The following PTPRQ variants were observed in gnomAD, a reference collection of about 807,000 sequenced individuals.
PTPRQ encodes protein tyrosine phosphatase receptor type Q.
PTPRQ carries 199 observed loss-of-function variants against 246.0 expected under a neutral mutation model. The observed-to-expected ratio is 0.81, with a 90% CI of 0.72 to 0.91. The LOEUF is 0.91. PTPRQ is among the 40% of genes least tolerant of loss of function. The pLI is 0.00. For missense variants in PTPRQ, 2,624 were observed against 2,528.4 expected (o/e 1.04, Z -0.81); for synonymous variants, 869 against 853.2 (o/e 1.02, Z -0.32).
chr12:80,632,389 G>A, intron 34 of PTPRQ, 98 bp downstream of exon 34: 1 of 1,461,428 alleles, frequency 6.8e-7, no homozygotes. Context: ...TACTTGAATG[G>A]GAAACATTTT....
chr12:80,544,493 A>G (rs1012326633), intron 23 of PTPRQ, among the ~76,000 whole-genome samples: 5 of 152,170 alleles, frequency 3.3e-5, no homozygotes, highest in Non-Finnish European at 5.9e-5. Context: ...CCATCTTTAT[A>G]CCATTAAGTA....
chr12:80,560,729 A>G (rs547882391), intron 25 of PTPRQ, among the ~76,000 whole-genome samples: 1 of 152,366 alleles, frequency 6.6e-6, no homozygotes, highest in African/African-American at 2.4e-5. Flanking sequence ...GTTGACAGCC[A>G]CAGAAGTCAT....
intron 22 of PTPRQ, 109 bp downstream of exon 22, chr12:80,542,473 A>G (rs1181012274): frequency 9.2e-6 from 13 of 1,409,950 alleles, no homozygotes; most frequent in Non-Finnish European, 1.2e-5. Flanking sequence ...TCTATTTGTA[A>G]CAGCCTTACC....
intron 28 of PTPRQ, 79 bp downstream of exon 28, chr12:80,610,704 A>C: frequency 6.7e-7 from 1 of 1,483,380 alleles, no homozygotes; most frequent in Non-Finnish European, 9.0e-7. Context: ...ACTCCACCAA[A>C]AAAGGATATG....
At chr12:80,446,757 T>C (rs1892566995) in intron 3 of PTPRQ, among the ~76,000 whole-genome samples, 1 of 152,040 alleles carries the variant, frequency 6.6e-6, no homozygotes, top group South Asian at 2.1e-4. Context: ...AAGAACATGA[T>C]TTTATTTTTT....
intron 23 of PTPRQ, among the ~76,000 whole-genome samples, chr12:80,544,137 A>G (rs1178295877): frequency 2.6e-5 from 4 of 152,122 alleles, no homozygotes; most frequent in African/African-American, 9.7e-5. Flanking sequence ...TACCTGGCTC[A>G]GATTCTGCCT....
At chr12:80,543,350 T>A (rs1896212172) in intron 23 of PTPRQ, among the ~76,000 whole-genome samples, 1 of 151,504 alleles carries the variant, frequency 6.6e-6, no homozygotes, top group Non-Finnish European at 1.5e-5. Context: ...TTTTTTTTAT[T>A]TTCAAGAGTA....
intron 17 of PTPRQ, among the ~76,000 whole-genome samples, chr12:80,522,086 T>A (rs1420729056): frequency 1.3e-5 from 2 of 152,164 alleles, no homozygotes; most frequent in East Asian, 3.9e-4. Context: ...ACATCCCTTG[T>A]AAGTTGGATT....
At chr12:80,558,467 C>CTTTT (rs57046212) in intron 25 of PTPRQ, among the ~76,000 whole-genome samples, 21 of 122,884 alleles carry the variant, frequency 1.7e-4, no homozygotes, top group African/African-American at 5.6e-4. Context: ...TGCACCTGGC[C>CTTTT]TTTTTTTTTT....
chr12:80,560,065 G>T (rs898336020), intron 25 of PTPRQ, among the ~76,000 whole-genome samples: 3 of 152,192 alleles, frequency 2.0e-5, no homozygotes, highest in Non-Finnish European at 4.4e-5. Context: ...AAGAAGTCAG[G>T]TTTGATTTTT....
intron 39 of PTPRQ, among the ~76,000 whole-genome samples, chr12:80,659,313 A>G (rs1481632100): frequency 7.2e-5 from 11 of 152,060 alleles, no homozygotes; most frequent in Admixed American, 7.2e-4. Context: ...TACAATTTCC[A>G]TTAAAATCTA....
chr12:80,502,509 T>G (rs566690248), intron 14 of PTPRQ, among the ~76,000 whole-genome samples: 1 of 152,084 alleles, frequency 6.6e-6, no homozygotes, highest in South Asian at 2.1e-4. Flanking sequence ...ACACTGGGCA[T>G]GTGAAGCTAG....
intron 35 of PTPRQ, among the ~76,000 whole-genome samples, chr12:80,642,936 A>AC (rs1555210250): frequency 6.7e-6 from 1 of 148,266 alleles, no homozygotes; most frequent in African/African-American, 2.6e-5. Context: ...AAAAAAAAAA[A>AC]AAAAAAAAAA....
chr12:80,659,669 T>A (rs900663645), intron 39 of PTPRQ, among the ~76,000 whole-genome samples: 1 of 152,044 alleles, frequency 6.6e-6, no homozygotes, highest in Non-Finnish European at 1.5e-5. Context: ...TATGGTAGGT[T>A]GTCAGCATAC....
intron 14 of PTPRQ, among the ~76,000 whole-genome samples, chr12:80,500,821 C>CT (rs1894776769): frequency 6.6e-6 from 1 of 151,872 alleles, no homozygotes; most frequent in Non-Finnish European, 1.5e-5. Flanking sequence ...TGACACTAGA[C>CT]AATCAGAAAA....
At chr12:80,516,151 T>C (rs1895293115) in intron 17 of PTPRQ, among the ~76,000 whole-genome samples, 1 of 152,222 alleles carries the variant, frequency 6.6e-6, no homozygotes, top group Non-Finnish European at 1.5e-5. Context: ...TTTTAATTCA[T>C]TTTGAATTGA....
chr12:80,640,957 C>A (rs567786951), intron 35 of PTPRQ, among the ~76,000 whole-genome samples: 1 of 152,126 alleles, frequency 6.6e-6, no homozygotes, highest in Non-Finnish European at 1.5e-5. Context: ...ATCAACATGA[C>A]GCAAGAGTTG....
chr12:80,670,382 T>C lies in PTPRQ; in HGVS notation c.6492T>C (p.Thr2164=). 1 of 1,551,108 alleles carries C rather than the reference T, an allele frequency of 6.4e-7. No homozygotes were observed. Among genetic ancestry groups the C allele is most frequent in the Non-Finnish European group, 8.7e-7 (1 of 1,146,582 alleles). The part of the protein sequence containing the change: ...DCMTVRQCNF[T]AWPEHGVPEN... ...TGACTGTTCGACAGTGTAACTTTAC[T>C]GCCTGGCCAGAGCATGGGGTTCCTG... is the stretch of plus-strand genomic sequence containing the variant. Residue 2164 remains threonine, a synonymous_variant, in exon 42 of 45, where the codon ACT becomes ACC. Transcript: ENST00000644991.
chr12:80,458,848 C>G (rs909348251), intron 4 of PTPRQ, among the ~76,000 whole-genome samples: 1 of 151,938 alleles, frequency 6.6e-6, no homozygotes, highest in African/African-American at 2.4e-5. Flanking sequence ...TGCAGGGTAT[C>G]CACTTGATAT....
Sources: gnomAD v4.1 joint callset for allele counts (sites outside exome capture counted in the v4.1 genomes callset) on GRCh38, gnomAD v4.1.1 for gene constraint, MANE v1.5 for transcripts, NCBI Gene and HGNC (gene_info 2026-07-23, HGNC 2026-07-21) for gene names.